ZBTB11: variants seen among roughly 807,000 people sequenced by gnomAD.
The protein encoded by ZBTB11 is zinc finger and BTB domain containing 11.
ZBTB11 carries 68 observed loss-of-function variants against 113.1 expected under a neutral mutation model. That is an observed-to-expected ratio of 0.60 (90% CI 0.49 to 0.74). ZBTB11 has a LOEUF of 0.74. ZBTB11 is among the 30% of genes least tolerant of loss of function. The pLI, the probability that ZBTB11 is intolerant of heterozygous loss-of-function variation, is 0.00. For missense variants in ZBTB11, 1,104 were observed against 1,279.4 expected (o/e 0.86, Z 2.09); for synonymous variants, 518 against 452.6 (o/e 1.14, Z -1.83).
At chr3:101,652,445 C>T (rs1936720371) in intron 10 of ZBTB11, 51 bp downstream of exon 10, 2 of 1,557,830 alleles carry the variant, frequency 1.3e-6, no homozygotes, top group Non-Finnish European at 1.7e-6. Context: ...AGAATCACTA[C>T]TGGACTGGCT....
intron 8 of ZBTB11, 108 bp from the exon 9 acceptor site, chr3:101,653,046 A>C: frequency 7.0e-5 from 82 of 1,177,898 alleles, no homozygotes; most frequent in Non-Finnish European, 8.9e-5. Context: ...AGATGATCTC[A>C]ACTTAAAAGA....
chr3:101,671,125 C>T lies in ZBTB11; in HGVS notation c.778+5G>A. 7 of 1,611,688 alleles carry T rather than the reference C, an allele frequency of 4.3e-6. No individual in the cohort carries two copies. Among genetic ancestry groups the T allele is most frequent in the Non-Finnish European group, 5.9e-6 (7 of 1,178,294 alleles). On this transcript the variant is annotated splice_donor_5th_base_variant and intron_variant, in intron 3 of 10. Coordinates refer to ENST00000312938, the MANE Select transcript of ZBTB11 (RefSeq NM_014415.4). The stretch of plus-strand genomic sequence containing the variant: ...CAAAAAGCAAGAGTAATACAAAACC[C>T]TTACCAGAAAGATCCACCACAGCCT...
intron 5 of ZBTB11, 27 bp from the exon 6 acceptor site, chr3:101,660,055 A>C (rs1475257210): frequency 1.3e-6 from 2 of 1,597,386 alleles, no homozygotes; most frequent in Admixed American, 1.7e-5. Context: ...ATTCTCTCTA[A>C]ATGTATTTCC....
intron 5 of ZBTB11, among the ~76,000 whole-genome samples, chr3:101,660,491 T>C (rs1001689475): frequency 7.9e-5 from 12 of 152,190 alleles, no homozygotes; most frequent in Non-Finnish European, 1.8e-4. Context: ...AAAACCTATT[T>C]TTTAAAACAA....
rs1178581527 is a variant in ZBTB11, at chr3:101,664,661, ATC to A, written c.1675_1676del (p.Asp559CysfsTer2). Reference sequence around the variant, plus strand: ...ATGCTTCTTCTGTGTTCTCTTTAGCATCTCTTTTTGGCTGTTTCATCTTTTTT... The same window carrying A: ...ATGCTTCTTCTGTGTTCTCTTTAGCATCTTTTTGGCTGTTTCATCTTTTTT... ...RGKKMKQPKR[D>X]AKENTEEASH... On this transcript the variant is annotated frameshift_variant, in exon 5 of 11. Transcript: ENST00000312938. LOFTEE classifies it high-confidence loss of function. 1.2e-6 allele frequency: 2 copies of A among 1,612,662 alleles called. No individual in the cohort carries two copies. The highest frequency in any genetic ancestry group is 8.5e-7 in the Non-Finnish European group (1 of 1,179,666).
chr3:101,660,398 T>A, intron 5 of ZBTB11, among the ~76,000 whole-genome samples: 1 of 152,232 alleles, frequency 6.6e-6, no homozygotes, highest in East Asian at 1.9e-4. Context: ...GGATTTTATC[T>A]CATAGTTGAA....
chr3:101,652,659 A>G lies in ZBTB11; in HGVS notation c.2481T>C (p.Cys827=). The G allele has an allele frequency of 6.2e-7, 1 of 1,613,690 alleles. No homozygotes were observed. Among genetic ancestry groups the G allele is most frequent in the Non-Finnish European group, 8.5e-7 (1 of 1,179,960 alleles). Residue 827 remains cysteine (C), a synonymous_variant, in exon 10 of 11, where the codon TGT becomes TGC. Coordinates refer to ENST00000312938, the MANE Select transcript of ZBTB11 (RefSeq NM_014415.4). ...AAGCTTTTTCATAAAATTCTTTGCCACATATATTACACCTAAAATAGGGGA... is the reference window on the plus strand; with the variant it reads ...AAGCTTTTTCATAAAATTCTTTGCCGCATATATTACACCTAAAATAGGGGA... ...SVTEPYRCNI[C]GKEFYEKALF...
intron 1 of ZBTB11, among the ~76,000 whole-genome samples, chr3:101,673,967 CTGACTTCTACGG>C (rs774560849): frequency 2.6e-4 from 40 of 151,584 alleles, no homozygotes; most frequent in Non-Finnish European, 5.1e-4. Flanking sequence ...ATTAGAACCT[CTGACTTCTACGG>C]TGAAGAAACC....
chr3:101,663,761 G>A (rs769227137), intron 5 of ZBTB11, among the ~76,000 whole-genome samples: 1 of 152,034 alleles, frequency 6.6e-6, no homozygotes, highest in Non-Finnish European at 1.5e-5. Context: ...ATGGTGGCTC[G>A]TGCCTGTAGT....
In ZBTB11 at chr3:101,651,663, A is replaced by G. The variant is rs947971118; in HGVS notation, c.2665T>C (p.Leu889=). ...TCAGCCCAAGCTACTCCACATGTTA[A>G]GCACTCAAATGGCTTAACTCCTAAA... is the stretch of plus-strand genomic sequence containing the variant. ...NHEGVKPFEC[L]TCGVAWADAR... Residue 889 remains leucine, a synonymous_variant, in exon 11 of 11, where the codon TTA becomes CTA. Coordinates refer to ENST00000312938, the MANE Select transcript of ZBTB11 (RefSeq NM_014415.4). 2.9e-5 allele frequency: 45 copies of G among 1,553,762 alleles called. No individual in the cohort carries two copies. The highest frequency in any genetic ancestry group is 3.7e-5 in the Non-Finnish European group (43 of 1,152,900).
At chr3:101,664,263 T>C (rs1277284869) in intron 5 of ZBTB11, among the ~76,000 whole-genome samples, 2 of 152,236 alleles carry the variant, frequency 1.3e-5, no homozygotes, top group East Asian at 3.8e-4. Context: ...CAGAATTTAG[T>C]TGTTTCAAGA....
intron 5 of ZBTB11, among the ~76,000 whole-genome samples, chr3:101,663,208 G>T (rs1008566151): frequency 6.6e-6 from 1 of 152,014 alleles, no homozygotes; most frequent in African/African-American, 2.4e-5. Context: ...AAAGTGCTGG[G>T]ATTACAGGTG....
Position 101,651,698 on chromosome 3 carries a change from A to AT in ZBTB11, c.2645-16_2645-15insA, listed in dbSNP as rs1436422674. On this transcript the variant is annotated splice_polypyrimidine_tract_variant and intron_variant, in intron 10 of 10. Transcript: ENST00000312938. ...TGGCTTAACTCCTAAAAAAAAAAAA[A>AT]AAAAAGCATGTGTAGTGAGGTGCAA... The AT allele has an allele frequency of 1.3e-6, 2 of 1,517,978 alleles. No homozygotes were observed. The highest frequency in any genetic ancestry group is 2.8e-5 in the African/African-American group (2 of 71,682). The allele number at this position is 1,517,978 out of a possible 1,614,324, so 94.0% of individuals were successfully genotyped here.
chr3:101,669,350 A>T (rs1937048499), intron 3 of ZBTB11, among the ~76,000 whole-genome samples: 1 of 152,230 alleles, frequency 6.6e-6, no homozygotes, highest in South Asian at 2.1e-4. Context: ...TTTAAATCAA[A>T]CATATTTTTA....
At chr3:101,651,721 C>T (rs755129107) in intron 10 of ZBTB11, 38 bp from the exon 11 acceptor site, 5 of 1,493,506 alleles carry the variant, frequency 3.3e-6, no homozygotes, top group Non-Finnish European at 4.4e-6. Context: ...TAGTGAGGTG[C>T]AAGCACCAAA....
At chr3:101,666,804 C>A (rs1399013807) in intron 3 of ZBTB11, among the ~76,000 whole-genome samples, 3 of 151,988 alleles carry the variant, frequency 2.0e-5, no homozygotes, top group Middle Eastern at 3.2e-3. Context: ...GGCTAGAGTG[C>A]AGTGGTGAAA....
intron 1 of ZBTB11, 165 bp downstream of exon 1, chr3:101,676,440 C>A (rs1937175158): frequency 2.9e-6 from 2 of 680,636 alleles, no homozygotes; most frequent in Non-Finnish European, 4.4e-6. Flanking sequence ...GTGGGAAGTG[C>A]GGCTCCTTTC....
At position 101,676,988 on chromosome 3, in the gene ZBTB11, C is replaced by T. The variant is rs1937188386; in HGVS notation, c.-74G>A. 1 of 1,460,896 alleles carries T rather than the reference C, an allele frequency of 6.8e-7. No individual in the cohort carries two copies. Among genetic ancestry groups the T allele is most frequent in the Non-Finnish European group, 9.1e-7 (1 of 1,100,024 alleles). 90.5% of individuals were successfully genotyped at this position (1,460,896 alleles called of 1,614,324 possible). A position where few individuals can be genotyped will look rare whatever the true frequency, so the allele number is the denominator to read the frequency against. ...ACGGCCCGCTACCTACGGGCGGCTGCAGGAGGAGCGGCGGCACCGTAGGGA... is the reference window on the plus strand; with the variant it reads ...ACGGCCCGCTACCTACGGGCGGCTGTAGGAGGAGCGGCGGCACCGTAGGGA... On this transcript the variant is annotated 5_prime_UTR_variant, in exon 1 of 11. Transcript: ENST00000312938.
intron 8 of ZBTB11, 51 bp downstream of exon 8, chr3:101,654,653 G>A: frequency 2.7e-6 from 4 of 1,470,386 alleles, no homozygotes; most frequent in Non-Finnish European, 3.7e-6. Context: ...TTTGAAAACT[G>A]AGTAAAAACA....
Sources: gnomAD v4.1 joint callset for allele counts (sites outside exome capture counted in the v4.1 genomes callset) on GRCh38, gnomAD v4.1.1 for gene constraint, MANE v1.5 for transcripts, NCBI Gene and HGNC (gene_info 2026-07-23, HGNC 2026-07-21) for gene names.